Variants in KAZN observed in about 807,000 individuals in gnomAD.
KAZN encodes kazrin, periplakin interacting protein.
A neutral mutation model predicts 87.4 loss-of-function variants in KAZN; 40 were observed. The ratio of observed to expected loss-of-function variants is 0.46; its 90% CI spans 0.36 to 0.60. KAZN has a LOEUF of 0.60. KAZN is among the 20% of genes least tolerant of loss of function. The pLI, the probability that KAZN is intolerant of heterozygous loss-of-function variation, is 0.00. For missense variants in KAZN, 898 were observed against 1,073.9 expected, an observed-to-expected ratio of 0.84 and a Z score of 2.29; for synonymous variants, 466 against 458.3, an observed-to-expected ratio of 1.02 and a Z score of -0.22.
At chr1:14,307,705 C>T (rs1317651913) in intron 2 of KAZN, among the ~76,000 whole-genome samples, 1 of 152,158 alleles carries the variant, frequency 6.6e-6, no homozygotes, top group Non-Finnish European at 1.5e-5. Flanking sequence ...AGTTGGAAAA[C>T]AAGCCCTCAT....
At chr1:14,339,885 A>C (rs1414173396) in intron 2 of KAZN, among the ~76,000 whole-genome samples, 2 of 152,126 alleles carry the variant, frequency 1.3e-5, no homozygotes, top group Non-Finnish European at 2.9e-5. Context: ...CCCCCTTCCC[A>C]TGAGTTATCC....
intron 1 of KAZN, among the ~76,000 whole-genome samples, chr1:14,082,381 A>G (rs1570695167): frequency 6.6e-6 from 1 of 152,124 alleles, no homozygotes; most frequent in African/African-American, 2.4e-5. Flanking sequence ...AGTCCAGGCA[A>G]GGGGGAGCAA....
At chr1:14,851,876 G>A (rs1478008009) in intron 1 of KAZN, among the ~76,000 whole-genome samples, 1 of 152,210 alleles carries the variant, frequency 6.6e-6, no homozygotes, top group East Asian at 1.9e-4. Context: ...GCAACTGCAG[G>A]TCACTGGGGG....
chr1:13,962,555 C>A (rs989139408), intron 1 of KAZN, among the ~76,000 whole-genome samples: 1 of 151,946 alleles, frequency 6.6e-6, no homozygotes, highest in African/African-American at 2.4e-5. Context: ...CCTTATGCTA[C>A]CCATTTTCTT....
chr1:13,908,449 T>G (rs6697531), intron 1 of KAZN, among the ~76,000 whole-genome samples: 65,162 of 152,054 alleles, frequency 0.43, 14,102 homozygotes, highest in East Asian at 0.55. Flanking sequence ...AGCTCCAGCC[T>G]AAATAGCTAA....
At chr1:14,435,952 A>G (rs1288160940) in intron 2 of KAZN, among the ~76,000 whole-genome samples, 1 of 152,198 alleles carries the variant, frequency 6.6e-6, no homozygotes, top group Non-Finnish European at 1.5e-5. Context: ...CACTGTGCTT[A>G]ACACAAACTA....
intron 1 of KAZN, among the ~76,000 whole-genome samples, chr1:14,707,020 C>T (rs2148815142): frequency 6.6e-6 from 1 of 152,326 alleles, no homozygotes; most frequent in South Asian, 2.1e-4. Context: ...CCGGAAACTT[C>T]AGAGGCCACA....
chr1:14,323,182 G>T (rs952660907), intron 2 of KAZN, among the ~76,000 whole-genome samples: 6 of 152,080 alleles, frequency 3.9e-5, no homozygotes, highest in Non-Finnish European at 8.8e-5. Context: ...AGATTAGGGT[G>T]GGGACGCAAA....
At chr1:14,546,144 C>T (rs1291975106) in intron 2 of KAZN, among the ~76,000 whole-genome samples, 2 of 152,206 alleles carry the variant, frequency 1.3e-5, no homozygotes, top group Non-Finnish European at 2.9e-5. Context: ...CAGTTCTCTA[C>T]CCTACCCCAG....
rs56725513 is a variant in KAZN at position 14,986,002 on chromosome 1, C to CAAA, written c.418+25147_418+25149dup. Among the ~76,000 whole-genome samples the CAAA allele has an allele frequency of 1.3e-3, 72 of 56,490 alleles. 2 individuals are homozygous for CAAA. Among genetic ancestry groups the CAAA allele is most frequent in the African/African-American group, 3.0e-3 (45 of 14,808 alleles). The allele number at this position is 56,490 out of a possible 152,430, so 37.1% of individuals were successfully genotyped here. A position where few individuals can be genotyped will look rare whatever the true frequency, so the allele number is the denominator to read the frequency against. On this transcript the variant is annotated intron_variant, in intron 2 of 14. Transcript: ENST00000376030. ...TGGGCGACAGAGCCAGACTCTGTCT[C>CAAA]AAAAAAAAAAAAAAAAAAAAAAGGA...
At chr1:14,466,653 C>T (rs1264621641) in intron 2 of KAZN, among the ~76,000 whole-genome samples, 1 of 106,258 alleles carries the variant, frequency 9.4e-6, no homozygotes, top group Admixed American at 1.0e-4. Context: ...AAACTTAAAA[C>T]TAAATTTAAA....
intron 2 of KAZN, among the ~76,000 whole-genome samples, chr1:14,389,164 T>A (rs1010594312): frequency 6.6e-6 from 1 of 152,160 alleles, no homozygotes; most frequent in Non-Finnish European, 1.5e-5. Context: ...TCATCTCACC[T>A]CTGCTAAAAT....
At chr1:14,346,584 C>T (rs1411901328) in intron 2 of KAZN, among the ~76,000 whole-genome samples, 1 of 152,042 alleles carries the variant, frequency 6.6e-6, no homozygotes, top group Non-Finnish European at 1.5e-5. Context: ...TTTTCTATAC[C>T]TCCCCTCTGT....
intron 2 of KAZN, among the ~76,000 whole-genome samples, chr1:14,410,873 T>C (rs1477886737): frequency 6.6e-6 from 1 of 152,166 alleles, no homozygotes. Flanking sequence ...AGGGAGCACA[T>C]GGCCCTGCCA....
intron 1 of KAZN, among the ~76,000 whole-genome samples, chr1:14,052,478 G>A (rs1642379291): frequency 6.6e-6 from 1 of 151,920 alleles, no homozygotes; most frequent in Non-Finnish European, 1.5e-5. Flanking sequence ...TTACAATTAA[G>A]ATCATACCCT....
At chr1:14,403,033 G>C (rs144059107) in intron 2 of KAZN, among the ~76,000 whole-genome samples, 1 of 152,066 alleles carries the variant, frequency 6.6e-6, no homozygotes, top group African/African-American at 2.4e-5. Flanking sequence ...CGCCACATTG[G>C]TCAGGCTGGT....
rs1676773056 is a variant in KAZN, at chr1:14,599,455, C to T, written c.226+232C>T. 6.6e-6 allele frequency among the ~76,000 whole-genome samples: 1 copy of T among 152,176 alleles called. No individual in the cohort carries two copies. Among genetic ancestry groups the T allele is most frequent in the Non-Finnish European group, 1.5e-5 (1 of 68,030 alleles). On this transcript the variant is annotated intron_variant, in intron 1 of 14. Coordinates refer to ENST00000376030, the MANE Select transcript of KAZN (RefSeq NM_201628.3). This position sits in a 1 kb window ranked among gnomAD's most constrained non-coding sequence, Gnocchi z 4.4. ...GCACGGGGTCACACGGTCACACCGGCCCCGGCCAGCCTGAGCGAGGCGCAG... is the reference window on the plus strand; with the variant it reads ...GCACGGGGTCACACGGTCACACCGGTCCCGGCCAGCCTGAGCGAGGCGCAG...
intron 1 of KAZN, among the ~76,000 whole-genome samples, chr1:14,070,906 G>T (rs1182989112): frequency 6.6e-6 from 1 of 152,138 alleles, no homozygotes; most frequent in Non-Finnish European, 1.5e-5. Flanking sequence ...TCATTCCATT[G>T]CACAGCAGAG....
intron 2 of KAZN, among the ~76,000 whole-genome samples, chr1:14,367,338 G>T (rs1420673285): frequency 1.3e-5 from 2 of 152,116 alleles, no homozygotes; most frequent in African/African-American, 2.4e-5. Context: ...CTTCTCTGAG[G>T]TCGCACTGTC....
Sources: gnomAD v4.1 joint callset for allele counts (sites outside exome capture counted in the v4.1 genomes callset) on GRCh38, gnomAD v4.1.1 for gene constraint, Gnocchi (gnomAD v3.1) non-coding constraint, MANE v1.5 for transcripts, NCBI Gene and HGNC (gene_info 2026-07-23, HGNC 2026-07-21) for gene names.